DCLK2: variants seen among roughly 807,000 people sequenced by gnomAD.
DCLK2 encodes doublecortin like kinase 2, also known as serine/threonine-protein kinase DCLK2.
A neutral mutation model predicts 78.4 loss-of-function variants in DCLK2; 31 were observed. The ratio of observed to expected loss-of-function variants is 0.40; its 90% CI spans 0.30 to 0.53. The LOEUF is 0.53. Ranked by LOEUF, DCLK2 falls within the 20% of genes least tolerant of loss-of-function variation. The pLI, the probability that DCLK2 is intolerant of heterozygous loss-of-function variation, is 0.61. For synonymous variants in DCLK2, 407 were observed against 374.9 expected (o/e 1.09, Z -0.99); for missense variants, 872 against 973.7 (o/e 0.90, Z 1.39).
At chr4:150,086,506 ATT>A (rs10539678) in intron 1 of DCLK2, among the ~76,000 whole-genome samples, 57,376 of 147,288 alleles carry the variant, frequency 0.39, 11,273 homozygotes, top group Non-Finnish European at 0.42. Flanking sequence ...GATTCTTTTT[ATT>A]TTTTTTTTTT....
intron 2 of DCLK2, among the ~76,000 whole-genome samples, chr4:150,150,915 C>T (rs892175335): frequency 2.6e-5 from 4 of 152,222 alleles, no homozygotes; most frequent in Non-Finnish European, 4.4e-5. Flanking sequence ...CCTTTCTTCT[C>T]TCCCTTCCAT....
At chr4:150,131,601 A>T (rs1478654531) in intron 2 of DCLK2, among the ~76,000 whole-genome samples, 1 of 152,110 alleles carries the variant, frequency 6.6e-6, no homozygotes. Flanking sequence ...TTAATGTTGA[A>T]TTGGCTGTCT....
intron 2 of DCLK2, among the ~76,000 whole-genome samples, chr4:150,124,171 T>C (rs1037215819): frequency 6.6e-6 from 1 of 152,154 alleles, no homozygotes; most frequent in Admixed American, 6.5e-5. Flanking sequence ...CTCAGCACAG[T>C]GTTGGAAAGC....
At chr4:150,105,518 GTGA>G (rs1731192130) in intron 2 of DCLK2, among the ~76,000 whole-genome samples, 1 of 152,006 alleles carries the variant, frequency 6.6e-6, no homozygotes, top group African/African-American at 2.4e-5. Context: ...TTCTCAAATG[GTGA>G]TGGAAGTGTA....
chr4:150,256,253 C>G lies in DCLK2; in HGVS notation c.*6C>G. The G allele has an allele frequency of 6.7e-7, 1 of 1,503,666 alleles. No homozygotes were observed. The highest frequency in any genetic ancestry group is 1.3e-5 in the South Asian group (1 of 79,010). The allele number at this position is 1,503,666 out of a possible 1,614,324, so 93.1% of individuals were successfully genotyped here. ...GGCGCCGCCACCGAGACTGAGCCTC[C>G]TGCAGACGGGCGAAGCCGCCTGCTG... On this transcript the variant is annotated 3_prime_UTR_variant, in exon 16 of 16. Transcript: ENST00000296550.
intron 1 of DCLK2, among the ~76,000 whole-genome samples, chr4:150,099,424 A>C (rs1481499232): frequency 6.6e-6 from 1 of 152,230 alleles, no homozygotes. Context: ...TTCTTTTGTC[A>C]GCATATTCTC....
At chr4:150,191,984 A>T (rs1041056972) in intron 2 of DCLK2, among the ~76,000 whole-genome samples, 8 of 152,196 alleles carry the variant, frequency 5.3e-5, no homozygotes, top group African/African-American at 1.9e-4. Context: ...TTTGTTGGAA[A>T]TGGATTACTT....
At chr4:150,132,694 C>T (rs1187147381) in intron 2 of DCLK2, among the ~76,000 whole-genome samples, 2 of 152,212 alleles carry the variant, frequency 1.3e-5, no homozygotes, top group African/African-American at 4.8e-5. Flanking sequence ...AAGCAGTCCT[C>T]CTGCCTCAGT....
chr4:150,192,151 A>T (rs1252006819), intron 2 of DCLK2, among the ~76,000 whole-genome samples: 1 of 152,128 alleles, frequency 6.6e-6, no homozygotes, highest in African/African-American at 2.4e-5. Flanking sequence ...AACTGAAACT[A>T]ATACAGTATG....
At chr4:150,194,919 A>G (rs1472679956) in intron 3 of DCLK2, among the ~76,000 whole-genome samples, 1 of 151,392 alleles carries the variant, frequency 6.6e-6, no homozygotes, top group Non-Finnish European at 1.5e-5. Context: ...TCAGTCATTC[A>G]TGAGCTTGGG....
At chr4:150,211,046 G>T (rs548995133) in intron 5 of DCLK2, among the ~76,000 whole-genome samples, 1 of 152,034 alleles carries the variant, frequency 6.6e-6, no homozygotes, top group African/African-American at 2.4e-5. Flanking sequence ...CAGTTTTTAC[G>T]GGTCAGAAAT....
chr4:150,202,718 C>T (rs1235680877), intron 4 of DCLK2, among the ~76,000 whole-genome samples: 1 of 151,894 alleles, frequency 6.6e-6, no homozygotes, highest in African/African-American at 2.4e-5. Flanking sequence ...CTTTTCTTTC[C>T]AAAAAGATGA....
chr4:150,111,748 A>G (rs1240311651), intron 2 of DCLK2, among the ~76,000 whole-genome samples: 1 of 151,934 alleles, frequency 6.6e-6, no homozygotes, highest in Non-Finnish European at 1.5e-5. Flanking sequence ...TCCTTTCCCC[A>G]GTGTATGCTT....
intron 2 of DCLK2, among the ~76,000 whole-genome samples, chr4:150,127,037 G>A (rs1732965697): frequency 1.3e-5 from 2 of 152,000 alleles, no homozygotes; most frequent in African/African-American, 4.8e-5. Flanking sequence ...TGCATTTTTG[G>A]CAACAATACT....
intron 10 of DCLK2, 29 bp downstream of exon 10, chr4:150,232,857 A>G (rs189679086): frequency 1.1e-4 from 174 of 1,602,426 alleles, no homozygotes; most frequent in Admixed American, 2.7e-4. Context: ...TTCTGTTCCA[A>G]TGAATGCCTC....
intron 1 of DCLK2, among the ~76,000 whole-genome samples, chr4:150,091,522 C>T (rs954901012): frequency 6.6e-6 from 1 of 152,110 alleles, no homozygotes; most frequent in Non-Finnish European, 1.5e-5. Context: ...TCAGTGCTTG[C>T]TTCTACTCCT....
intron 5 of DCLK2, among the ~76,000 whole-genome samples, chr4:150,207,530 A>G (rs1246832655): frequency 6.6e-6 from 1 of 152,200 alleles, no homozygotes; most frequent in African/African-American, 2.4e-5. Context: ...CCTCCTCTCC[A>G]CAAAATGTAC....
At chr4:150,172,862 TGTC>T (rs1430678883) in intron 2 of DCLK2, among the ~76,000 whole-genome samples, 1 of 151,808 alleles carries the variant, frequency 6.6e-6, no homozygotes, top group African/African-American at 2.4e-5. Context: ...ACCCTTTCCT[TGTC>T]GTAGGAATGG....
intron 2 of DCLK2, among the ~76,000 whole-genome samples, chr4:150,145,533 C>T (rs1488037444): frequency 6.6e-6 from 1 of 152,022 alleles, no homozygotes; most frequent in East Asian, 1.9e-4. Context: ...TTACTTTTGC[C>T]ACTTGAGTCA....
Sources: gnomAD v4.1 joint callset for allele counts (sites outside exome capture counted in the v4.1 genomes callset) on GRCh38, gnomAD v4.1.1 for gene constraint, MANE v1.5 for transcripts, NCBI Gene and HGNC (gene_info 2026-07-23, HGNC 2026-07-21) for gene names.